Variants in FLVCR1 observed in about 807,000 individuals in gnomAD.
FLVCR1 encodes choline/ethanolamine transporter FLVCR1.
Under a neutral mutation model 53.6 loss-of-function variants are expected in FLVCR1, and 34 were observed. That is an observed-to-expected ratio of 0.63 (90% CI 0.48 to 0.84). The LOEUF is 0.84. FLVCR1 is among the 40% of genes least tolerant of loss of function. FLVCR1 has a pLI of 0.00. For missense variants in FLVCR1, 677 were observed against 696.7 expected (o/e 0.97, Z 0.32); for synonymous variants, 300 against 286.3 (o/e 1.05, Z -0.48).
intron 3 of FLVCR1, among the ~76,000 whole-genome samples, chr1:212,880,025 A>G (rs2102560096): frequency 6.9e-6 from 1 of 144,382 alleles, no homozygotes; most frequent in Non-Finnish European, 1.5e-5. Context: ...TGCTATCCTT[A>G]TTTCAGTATG....
chr1:212,884,987 C>T (rs1440046929), intron 4 of FLVCR1, among the ~76,000 whole-genome samples: 1 of 152,220 alleles, frequency 6.6e-6, no homozygotes, highest in African/African-American at 2.4e-5. Flanking sequence ...TTATGGAGCA[C>T]ATGACTATCT....
chr1:212,881,301 C>CTTTTTT (rs35751115), intron 3 of FLVCR1, among the ~76,000 whole-genome samples: 36 of 119,664 alleles, frequency 3.0e-4, no homozygotes, highest in Middle Eastern at 4.6e-3. Context: ...ATTTCTTTGT[C>CTTTTTT]TTTTTTTTTT....
chr1:212,875,315 T>C (rs1664723496), intron 3 of FLVCR1, among the ~76,000 whole-genome samples: 1 of 152,204 alleles, frequency 6.6e-6, no homozygotes, highest in Admixed American at 6.5e-5. Context: ...GGCAAGTGCA[T>C]GCTGAAGCCC....
At chr1:212,868,821 T>C (rs1326066813) in intron 2 of FLVCR1, among the ~76,000 whole-genome samples, 1 of 152,234 alleles carries the variant, frequency 6.6e-6, no homozygotes, top group Non-Finnish European at 1.5e-5. Flanking sequence ...GACAATATTT[T>C]TGTGTTGCAC....
At chr1:212,860,300 T>A (rs11120049) in intron 1 of FLVCR1, among the ~76,000 whole-genome samples, 64,512 of 149,564 alleles carry the variant, frequency 0.43, 15,147 homozygotes, top group East Asian at 0.53. Context: ...TTGAGTTGGT[T>A]GCATCTGCAG....
chr1:212,896,121 T>C lies in FLVCR1; in HGVS notation c.*831T>C, dbSNP rs1665327860. ...TTTTGTACCCATTGCCTTTTTTTTCTTTTAAACTCTCTTTTTTTTTTTTTC... is the reference window on the plus strand; with the variant it reads ...TTTTGTACCCATTGCCTTTTTTTTCCTTTAAACTCTCTTTTTTTTTTTTTC... On this transcript the variant is annotated 3_prime_UTR_variant, in exon 10 of 10. Transcript: ENST00000366971. 1 of 151,638 alleles carries C rather than the reference T, an allele frequency of 6.6e-6. No homozygotes were observed. The highest frequency in any genetic ancestry group is 2.1e-4 in the South Asian group (1 of 4,810). The allele number at this position is 151,638 out of a possible 1,614,324, so 9.4% of individuals were successfully genotyped here.
At position 212,897,078 on chromosome 1, in the gene FLVCR1, A is replaced by G. The variant is rs1418896258; in HGVS notation, c.*1788A>G. The G allele has an allele frequency of 1.3e-5, 2 of 150,966 alleles. No homozygotes were observed. Among genetic ancestry groups the G allele is most frequent in the African/African-American group, 4.9e-5 (2 of 41,156 alleles). 9.4% of individuals were successfully genotyped at this position (150,966 alleles called of 1,614,324 possible). On this transcript the variant is annotated 3_prime_UTR_variant, in exon 10 of 10. Transcript: ENST00000366971. ...CAGCTACTCAGGAGGCTGAGGCAGGAGAATCGCTTGAATGCGAATGGCAGA... is the reference window on the plus strand; with the variant it reads ...CAGCTACTCAGGAGGCTGAGGCAGGGGAATCGCTTGAATGCGAATGGCAGA...
At chr1:212,880,244 C>T (rs1664887275) in intron 3 of FLVCR1, among the ~76,000 whole-genome samples, 1 of 152,156 alleles carries the variant, frequency 6.6e-6, no homozygotes, top group East Asian at 1.9e-4. Flanking sequence ...AGCTATAGGT[C>T]TCATCCTTTA....
chr1:212,869,434 A>C (rs1664535743), intron 2 of FLVCR1, among the ~76,000 whole-genome samples: 1 of 152,246 alleles, frequency 6.6e-6, no homozygotes, highest in Non-Finnish European at 1.5e-5. Flanking sequence ...GTAGCTGGTA[A>C]ATACAGGCTT....
rs61497441 is a variant in FLVCR1 at position 212,874,526 on chromosome 1, CT to C, written c.1024+1728del. Among the ~76,000 whole-genome samples the C allele has an allele frequency of 5.3e-3, 639 of 120,784 alleles. 7 individuals are homozygous for C. Among genetic ancestry groups the C allele is most frequent in the African/African-American group, 0.018 (576 of 31,376 alleles). The allele number at this position is 120,784 out of a possible 152,430, so 79.2% of individuals were successfully genotyped here. A position where few individuals can be genotyped will look rare whatever the true frequency, so the allele number is the denominator to read the frequency against. Reference sequence around the variant, plus strand: ...GCCTGTCATTTAATTTTCTTTTTTTCTTTTTTTTTTTTTTTTTTTTGAGATG... The same window carrying C: ...GCCTGTCATTTAATTTTCTTTTTTTCTTTTTTTTTTTTTTTTTTTGAGATG... On this transcript the variant is annotated intron_variant, in intron 3 of 9. Coordinates refer to ENST00000366971, the MANE Select transcript of FLVCR1 (RefSeq NM_014053.4).
intron 8 of FLVCR1, 99 bp downstream of exon 8, chr1:212,889,356 A>ATTCCAAATATC (rs1665133442): frequency 1.3e-6 from 1 of 776,132 alleles, no homozygotes; most frequent in Admixed American, 1.9e-5. Context: ...GGGGAAAAAA[A>ATTCCAAATATC]TGAGATAAAA....
intron 8 of FLVCR1, among the ~76,000 whole-genome samples, chr1:212,894,722 G>A (rs1299719856): frequency 6.6e-6 from 1 of 152,076 alleles, no homozygotes; most frequent in East Asian, 1.9e-4. Context: ...TCCCTAGATT[G>A]GAGAGTCCTT....
At chr1:212,891,439 C>G (rs936945774) in intron 8 of FLVCR1, among the ~76,000 whole-genome samples, 1 of 91,048 alleles carries the variant, frequency 1.1e-5, no homozygotes, top group African/African-American at 2.9e-5. Flanking sequence ...AGTGAGACTC[C>G]GTCTCAAAAA....
chr1:212,874,192 A>G (rs1664687171), intron 3 of FLVCR1, among the ~76,000 whole-genome samples: 1 of 152,156 alleles, frequency 6.6e-6, no homozygotes. Context: ...TATTTTTAGT[A>G]GAGAAGGGGT....
At chr1:212,889,335 A>G in intron 8 of FLVCR1, 78 bp downstream of exon 8, 1 of 912,142 alleles carries the variant, frequency 1.1e-6, no homozygotes, top group Non-Finnish European at 1.8e-6. Context: ...CAATAGCTTG[A>G]CAGAACTCAA....
chr1:212,894,666 C>T (rs41301009), intron 8 of FLVCR1, among the ~76,000 whole-genome samples: 187 of 152,230 alleles, frequency 1.2e-3, no homozygotes, highest in Middle Eastern at 3.4e-3. Flanking sequence ...CCCCACCATA[C>T]CTTGCAATTA....
Position 212,888,045 on chromosome 1 carries a change from T to C in FLVCR1, c.1307+44T>C, listed in dbSNP as rs41300965. 618 of 1,123,982 alleles carry C rather than the reference T, an allele frequency of 5.5e-4. 2 individuals carry two copies. Among genetic ancestry groups the C allele is most frequent in the Non-Finnish European group, 6.3e-4 (460 of 733,782 alleles). 69.6% of individuals were successfully genotyped at this position (1,123,982 alleles called of 1,614,324 possible). A position where few individuals can be genotyped will look rare whatever the true frequency, so the allele number is the denominator to read the frequency against. ...TAGGAGGAATGATAGCATGCTGTTA[T>C]AATTCTGAAGTATTATTACTCTGGT... On this transcript the variant is annotated intron_variant, in intron 6 of 9. Coordinates refer to ENST00000366971, the MANE Select transcript of FLVCR1 (RefSeq NM_014053.4).
At chr1:212,861,555 C>T (rs528698554) in intron 1 of FLVCR1, among the ~76,000 whole-genome samples, 4 of 152,296 alleles carry the variant, frequency 2.6e-5, no homozygotes, top group South Asian at 2.1e-4. Flanking sequence ...TAGTAAATTA[C>T]GTGGTCTCCC....
At chr1:212,888,997 G>A (rs1052433518) in intron 7 of FLVCR1, 149 bp from the exon 8 acceptor site, 12 of 642,626 alleles carry the variant, frequency 1.9e-5, no homozygotes, top group East Asian at 1.2e-4. Context: ...CAGCCTGACC[G>A]TGGTTTTTGT....
Sources: gnomAD v4.1 joint callset for allele counts (sites outside exome capture counted in the v4.1 genomes callset) on GRCh38, gnomAD v4.1.1 for gene constraint, MANE v1.5 for transcripts, NCBI Gene and HGNC (gene_info 2026-07-23, HGNC 2026-07-21) for gene names.